The following ALKBH8 variants were observed in gnomAD, a reference collection of about 807,000 sequenced individuals.
ALKBH8 encodes the protein alkB homolog 8, tRNA methyltransferase.
A neutral mutation model predicts 59.8 loss-of-function variants in ALKBH8; 36 were observed. That is an observed-to-expected ratio of 0.60 (90% CI 0.46 to 0.79). ALKBH8 has a LOEUF of 0.79. Ranked by LOEUF, ALKBH8 falls within the 30% of genes least tolerant of loss-of-function variation. The pLI is 0.00. For synonymous variants in ALKBH8, 276 were observed against 273.6 expected (o/e 1.01, Z -0.09); for missense variants, 768 against 801.0 (o/e 0.96, Z 0.50).
chr11:107,509,697 A>G (rs1034046051), intron 11 of ALKBH8, among the ~76,000 whole-genome samples: 11 of 152,150 alleles, frequency 7.2e-5, no homozygotes, highest in Non-Finnish European at 1.6e-4. Flanking sequence ...TAAGGATCCA[A>G]CTTCATTCTT....
chr11:107,504,414 C>T lies in ALKBH8; in HGVS notation c.*244G>A. Reference sequence around the variant, plus strand: ...AGAATTACAAACACTGCACAAACTGCTTCAATCACTTTTAGAAACCACCTC... The same window carrying T: ...AGAATTACAAACACTGCACAAACTGTTTCAATCACTTTTAGAAACCACCTC... On this transcript the variant is annotated 3_prime_UTR_variant, in exon 12 of 12. Coordinates refer to ENST00000428149, the MANE Select transcript of ALKBH8 (RefSeq NM_138775.3). The T allele has an allele frequency of 1.6e-6, 1 of 633,670 alleles. No homozygotes were observed. The highest frequency in any genetic ancestry group is 1.9e-5 in the South Asian group (1 of 53,652). 39.3% of individuals were successfully genotyped at this position (633,670 alleles called of 1,614,324 possible).
chr11:107,519,479 C>T (rs1270395724), intron 10 of ALKBH8, among the ~76,000 whole-genome samples: 1 of 152,042 alleles, frequency 6.6e-6, no homozygotes, highest in Non-Finnish European at 1.5e-5. Flanking sequence ...GAAAATCAGA[C>T]TGGTAATATA....
chr11:107,528,160 G>A (rs181708356), intron 8 of ALKBH8, among the ~76,000 whole-genome samples: 56 of 152,064 alleles, frequency 3.7e-4, no homozygotes, highest in African/African-American at 1.1e-3. Flanking sequence ...TATAAACTCC[G>A]CTAGGTTATA....
At chr11:107,554,489 G>A (rs935821914) in intron 3 of ALKBH8, among the ~76,000 whole-genome samples, 5 of 152,152 alleles carry the variant, frequency 3.3e-5, no homozygotes, top group African/African-American at 9.7e-5. Flanking sequence ...TTAAGTTCCT[G>A]TGTCCTTCAA....
At chr11:107,543,594 G>T (rs1472507176) in intron 7 of ALKBH8, among the ~76,000 whole-genome samples, 2 of 152,162 alleles carry the variant, frequency 1.3e-5, no homozygotes, top group African/African-American at 4.8e-5. Context: ...AGAGCTATAT[G>T]CTTAACAAGT....
At chr11:107,564,466 C>A (rs615750) in intron 1 of ALKBH8, among the ~76,000 whole-genome samples, 65,266 of 151,904 alleles carry the variant, frequency 0.43, 14,434 homozygotes, top group African/African-American at 0.53. Context: ...CCAATTTTAA[C>A]GTACGGCACT....
At chr11:107,518,352 G>A (rs1375396625) in intron 10 of ALKBH8, among the ~76,000 whole-genome samples, 1 of 152,194 alleles carries the variant, frequency 6.6e-6, no homozygotes. Flanking sequence ...CTGAAGTGCA[G>A]TGTGCGATTA....
At chr11:107,533,642 T>C (rs191082435) in intron 7 of ALKBH8, among the ~76,000 whole-genome samples, 6 of 152,264 alleles carry the variant, frequency 3.9e-5, no homozygotes, top group Admixed American at 3.9e-4. Context: ...CTGAAGTTTT[T>C]AGAGATGAAG....
chr11:107,526,470 T>C (rs1005394951), intron 8 of ALKBH8, among the ~76,000 whole-genome samples: 3 of 151,972 alleles, frequency 2.0e-5, no homozygotes, highest in African/African-American at 7.2e-5. Context: ...TAGATACAGA[T>C]AGATACAGAT....
chr11:107,514,194 A>G (rs903730082), intron 10 of ALKBH8, among the ~76,000 whole-genome samples: 4 of 152,216 alleles, frequency 2.6e-5, no homozygotes, highest in African/African-American at 9.6e-5. Flanking sequence ...TTACCAAAAA[A>G]AACAGTATTT....
At chr11:107,549,870 T>G in intron 6 of ALKBH8, 47 bp from the exon 7 acceptor site, 1 of 1,348,864 alleles carries the variant, frequency 7.4e-7, no homozygotes, top group Non-Finnish European at 1.0e-6. Flanking sequence ...TTTCCTTTAG[T>G]AGATTTAAGA....
At chr11:107,540,417 T>C (rs1863988356) in intron 7 of ALKBH8, among the ~76,000 whole-genome samples, 1 of 152,142 alleles carries the variant, frequency 6.6e-6, no homozygotes. Context: ...TCAAGTGTAA[T>C]GTAAAATAAA....
intron 9 of ALKBH8, among the ~76,000 whole-genome samples, chr11:107,525,228 T>A (rs1863299433): frequency 6.6e-6 from 1 of 152,000 alleles, no homozygotes; most frequent in Admixed American, 6.6e-5. Flanking sequence ...TTGGAAAAAA[T>A]AAAGATGAGA....
chr11:107,557,563 C>T (rs1424387010), intron 2 of ALKBH8, among the ~76,000 whole-genome samples: 1 of 152,060 alleles, frequency 6.6e-6, no homozygotes, highest in Non-Finnish European at 1.5e-5. Flanking sequence ...AACCATTATA[C>T]AATGTTTACT....
intron 8 of ALKBH8, among the ~76,000 whole-genome samples, chr11:107,529,421 G>A (rs1303277281): frequency 6.6e-6 from 1 of 151,994 alleles, no homozygotes; most frequent in Non-Finnish European, 1.5e-5. Flanking sequence ...TTTATCATAG[G>A]ATTAATTTTC....
intron 10 of ALKBH8, among the ~76,000 whole-genome samples, chr11:107,516,553 T>A (rs1862870350): frequency 6.6e-6 from 1 of 152,148 alleles, no homozygotes; most frequent in Non-Finnish European, 1.5e-5. Context: ...GGGCAATAAT[T>A]TTTTGGATAT....
chr11:107,511,584 AT>A (rs912327053), intron 10 of ALKBH8, among the ~76,000 whole-genome samples: 3 of 151,388 alleles, frequency 2.0e-5, no homozygotes, highest in East Asian at 1.9e-4. Context: ...AATCAAAATA[AT>A]TTTTTTTTGA....
chr11:107,512,603 G>A (rs1406550955), intron 10 of ALKBH8, among the ~76,000 whole-genome samples: 2 of 152,122 alleles, frequency 1.3e-5, no homozygotes, highest in African/African-American at 4.8e-5. Flanking sequence ...ATGAACCACT[G>A]CACCAGGCCA....
chr11:107,525,167 G>A (rs1250460402), intron 9 of ALKBH8, among the ~76,000 whole-genome samples: 1 of 152,206 alleles, frequency 6.6e-6, no homozygotes, highest in East Asian at 1.9e-4. Context: ...ACTCTTAACT[G>A]TTACTTCAAT....
Sources: gnomAD v4.1 joint callset for allele counts (sites outside exome capture counted in the v4.1 genomes callset) on GRCh38, gnomAD v4.1.1 for gene constraint, MANE v1.5 for transcripts, NCBI Gene and HGNC (gene_info 2026-07-23, HGNC 2026-07-21) for gene names.